The following ABTB2 variants were observed in gnomAD, a reference collection of about 807,000 sequenced individuals.
ABTB2 encodes the protein ankyrin repeat and BTB/POZ domain-containing protein 2.
Under a neutral mutation model 104.1 loss-of-function variants are expected in ABTB2, and 56 were observed. The observed-to-expected ratio is 0.54, with a 90% CI of 0.43 to 0.67. The LOEUF (loss-of-function observed/expected upper bound fraction) is 0.67. Ranked by LOEUF, ABTB2 falls within the 30% of genes least tolerant of loss-of-function variation. The pLI, the probability that ABTB2 is intolerant of heterozygous loss-of-function variation, is 0.00. For synonymous variants in ABTB2, 606 were observed against 608.2 expected (o/e 1.00, Z 0.05); for missense variants, 1,279 against 1,407.7 (o/e 0.91, Z 1.46).
chr11:34,207,164 C>T (rs893089863), intron 1 of ABTB2, among the ~76,000 whole-genome samples: 2 of 152,250 alleles, frequency 1.3e-5, no homozygotes, highest in African/African-American at 2.4e-5. Context: ...ACAGGCCAAA[C>T]AGCTGGGAGA....
At chr11:34,169,853 C>G (rs140392127) in intron 5 of ABTB2, among the ~76,000 whole-genome samples, 1 of 152,134 alleles carries the variant, frequency 6.6e-6, no homozygotes, top group Non-Finnish European at 1.5e-5. Context: ...CCCCCAGGCT[C>G]GGCTCAACCG....
intron 1 of ABTB2, among the ~76,000 whole-genome samples, chr11:34,257,096 C>T (rs1203826506): frequency 6.6e-6 from 1 of 152,228 alleles, no homozygotes; most frequent in African/African-American, 2.4e-5. Context: ...ATTCCTCACA[C>T]ATGAAATGAC....
rs182350645 is a variant in ABTB2 at position 34,228,644 on chromosome 11, C to T, written c.884-23954G>A. On this transcript the variant is annotated intron_variant, in intron 1 of 16. Transcript: ENST00000435224. ...TCGCCTGCCTCAGCCTCCCAAAATG[C>T]TGAGATTACAGCATGTGCCACCGCA... 2.0e-3 allele frequency among the ~76,000 whole-genome samples: 308 copies of T among 152,288 alleles called. 1 individual carries two copies. The highest frequency in any genetic ancestry group is 6.2e-3 in the African/African-American group (257 of 41,548).
chr11:34,286,371 C>A (rs148371572), intron 1 of ABTB2, among the ~76,000 whole-genome samples: 1 of 152,080 alleles, frequency 6.6e-6, no homozygotes, highest in Non-Finnish European at 1.5e-5. Flanking sequence ...CGGCTCACTG[C>A]GACCTCTGCC....
intron 1 of ABTB2, among the ~76,000 whole-genome samples, chr11:34,214,279 T>C (rs1853522814): frequency 6.6e-6 from 1 of 152,128 alleles, no homozygotes; most frequent in African/African-American, 2.4e-5. Context: ...GTTCGCTTGA[T>C]GCTAGGGTCA....
At chr11:34,237,903 C>G (rs1853865695) in intron 1 of ABTB2, among the ~76,000 whole-genome samples, 1 of 151,978 alleles carries the variant, frequency 6.6e-6, no homozygotes, top group Admixed American at 6.6e-5. Flanking sequence ...CACTCAAAAA[C>G]AAACAAAAAA....
intron 1 of ABTB2, among the ~76,000 whole-genome samples, chr11:34,274,076 C>T (rs1424949412): frequency 1.7e-4 from 24 of 137,630 alleles, no homozygotes; most frequent in African/African-American, 6.1e-4. Context: ...GGCGTGAACC[C>T]GGGAAGCGGA....
intron 1 of ABTB2, among the ~76,000 whole-genome samples, chr11:34,301,069 C>T (rs1436966527): frequency 2.6e-5 from 4 of 152,154 alleles, no homozygotes; most frequent in Non-Finnish European, 5.9e-5. Context: ...TCTTTGTGGT[C>T]TCATGTCTCT....
Position 34,226,204 on chromosome 11 carries a change from TAA to T in ABTB2, c.884-21516_884-21515del, listed in dbSNP as rs34915007. On this transcript the variant is annotated intron_variant, in intron 1 of 16. Transcript: ENST00000435224. ...GTGAAAGACTGAGCTGAGAGTCCAT[TAA>T]AAAAAAAAAAAAAAAAAAAAAGAAG... Among the ~76,000 whole-genome samples, 110 of 79,600 alleles carry T rather than the reference TAA, an allele frequency of 1.4e-3. 1 individual carries two copies. The highest frequency in any genetic ancestry group is 1.9e-3 in the Non-Finnish European group (80 of 42,438). 52.2% of individuals were successfully genotyped at this position (79,600 alleles called of 152,430 possible).
At chr11:34,277,094 G>A (rs1854390400) in intron 1 of ABTB2, among the ~76,000 whole-genome samples, 1 of 152,070 alleles carries the variant, frequency 6.6e-6, no homozygotes, top group Admixed American at 6.6e-5. Flanking sequence ...TAGAAACAGG[G>A]TTTCACCATG....
At chr11:34,349,215 G>A (rs1855370589) in intron 1 of ABTB2, among the ~76,000 whole-genome samples, 1 of 152,120 alleles carries the variant, frequency 6.6e-6, no homozygotes, top group Non-Finnish European at 1.5e-5. Flanking sequence ...CCACAAGCAG[G>A]GTCCAATATC....
chr11:34,314,840 G>A (rs900387666), intron 1 of ABTB2, among the ~76,000 whole-genome samples: 1 of 152,160 alleles, frequency 6.6e-6, no homozygotes, highest in African/African-American at 2.4e-5. Context: ...CCTTCTGAGT[G>A]GGGGGCCCTG....
intron 1 of ABTB2, among the ~76,000 whole-genome samples, chr11:34,226,164 T>G (rs977801194): frequency 7.3e-6 from 1 of 137,870 alleles, no homozygotes; most frequent in African/African-American, 2.8e-5. Flanking sequence ...ATTGCACCAC[T>G]ACTCTCCAGC....
At chr11:34,313,043 GA>G (rs895796057) in intron 1 of ABTB2, among the ~76,000 whole-genome samples, 1 of 152,202 alleles carries the variant, frequency 6.6e-6, no homozygotes, top group African/African-American at 2.4e-5. Flanking sequence ...CTTAGCAAGT[GA>G]AACTACCTGC....
intron 1 of ABTB2, among the ~76,000 whole-genome samples, chr11:34,220,951 C>A (rs897586730): frequency 3.3e-5 from 5 of 151,794 alleles, no homozygotes; most frequent in Non-Finnish European, 7.4e-5. Flanking sequence ...TGATCTTTCT[C>A]TGTGCCTGTG....
intron 3 of ABTB2, among the ~76,000 whole-genome samples, chr11:34,193,095 C>T (rs1565137066): frequency 6.6e-6 from 1 of 152,246 alleles, no homozygotes; most frequent in Non-Finnish European, 1.5e-5. Context: ...GCAAGGGCCA[C>T]ATCTAACCAG....
chr11:34,327,941 TG>T (rs539605387), intron 1 of ABTB2, among the ~76,000 whole-genome samples: 618 of 152,340 alleles, frequency 4.1e-3, no homozygotes, highest in Non-Finnish European at 6.8e-3. Flanking sequence ...CCTCGCTGGC[TG>T]TTTAACATTT....
Position 34,356,892 on chromosome 11 carries a change from A to G in ABTB2, c.692T>C (p.Leu231Pro). The change falls in exon 1 of 17, where the codon CTC becomes CCC. Residue 231 changes from leucine to proline, a missense_variant. Transcript: ENST00000435224. The surrounding 1 kb of genome is among the most constrained non-coding windows in gnomAD (Gnocchi z 4.6). ...CACCAGGTTCTCCATGCAGGCGGTG[A>G]GGGAGATGGCTGCGTACTCGTGGAT... is the stretch of plus-strand genomic sequence containing the variant. ...VRIHEYAAIS[L>P]TACMENLVEE... The G allele has an allele frequency of 6.2e-7, 1 of 1,603,918 alleles. No homozygotes were observed. The highest frequency in any genetic ancestry group is 1.1e-5 in the South Asian group (1 of 89,528).
intron 3 of ABTB2, among the ~76,000 whole-genome samples, chr11:34,187,501 T>TTC: frequency 6.7e-6 from 1 of 149,620 alleles, no homozygotes; most frequent in East Asian, 2.0e-4. Flanking sequence ...TTCTTTGCCT[T>TTC]TTTTTTTTTT....
Sources: allele counts gnomAD v4.1 joint callset (sites outside exome capture counted in the v4.1 genomes callset), GRCh38; gene constraint gnomAD v4.1.1; non-coding constraint Gnocchi (gnomAD v3.1); transcripts MANE v1.5; gene names NCBI Gene and HGNC (gene_info 2026-07-23, HGNC 2026-07-21).